GRIP1: variants seen among roughly 807,000 people sequenced by gnomAD.
GRIP1 encodes glutamate receptor interacting protein 1, also known as glutamate receptor-interacting protein 1.
A neutral mutation model predicts 129.9 loss-of-function variants in GRIP1; 45 were observed. That is an observed-to-expected ratio of 0.35 (90% CI 0.27 to 0.44). The LOEUF is 0.44. GRIP1 is among the 20% of genes least tolerant of loss of function. The probability of loss-of-function intolerance (pLI) is 1.00; values close to 1 mark genes in which losing one functional copy is unlikely to be tolerated. For missense variants in GRIP1, 1,196 were observed against 1,396.8 expected (o/e 0.86, Z 2.29); for synonymous variants, 530 against 520.8 (o/e 1.02, Z -0.24).
intron 1 of GRIP1, among the ~76,000 whole-genome samples, chr12:67,061,074 T>C (rs1371631400): frequency 3.3e-5 from 5 of 152,194 alleles, no homozygotes; most frequent in Admixed American, 1.3e-4. Context: ...ATTGTATGCA[T>C]TGTAACTTTG....
At chr12:66,510,105 A>C (rs1040785783) in intron 7 of GRIP1, among the ~76,000 whole-genome samples, 1 of 152,178 alleles carries the variant, frequency 6.6e-6, no homozygotes, top group Non-Finnish European at 1.5e-5. Context: ...TAATTTGTTC[A>C]CAATTTATTG....
At chr12:66,425,785 A>G (rs1191590858) in intron 14 of GRIP1, among the ~76,000 whole-genome samples, 2 of 151,482 alleles carry the variant, frequency 1.3e-5, no homozygotes, top group East Asian at 3.9e-4. Flanking sequence ...GAACACATGG[A>G]CACAGGAAGG....
At chr12:67,030,930 G>T (rs12307060) in intron 1 of GRIP1, among the ~76,000 whole-genome samples, 1 of 151,914 alleles carries the variant, frequency 6.6e-6, no homozygotes, top group Non-Finnish European at 1.5e-5. Flanking sequence ...GCAACTGCTC[G>T]GTTAGCTGTT....
chr12:66,538,265 T>C (rs1565840502), intron 4 of GRIP1, among the ~76,000 whole-genome samples: 1 of 150,664 alleles, frequency 6.6e-6, no homozygotes, highest in Non-Finnish European at 1.5e-5. Context: ...AATGACACAA[T>C]CATAGCTCAC....
At chr12:66,874,296 A>G (rs1432067475) in intron 1 of GRIP1, among the ~76,000 whole-genome samples, 2 of 152,104 alleles carry the variant, frequency 1.3e-5, no homozygotes, top group Non-Finnish European at 2.9e-5. Context: ...TTGTTGCACA[A>G]CAAGTGTCTG....
chr12:66,539,500 G>T (rs1332786773), intron 3 of GRIP1, among the ~76,000 whole-genome samples: 3 of 128,574 alleles, frequency 2.3e-5, no homozygotes, highest in Non-Finnish European at 4.9e-5. Flanking sequence ...TTTCCTTTTT[G>T]CCTGTTTTAT....
chr12:66,892,746 G>A (rs748202086), intron 1 of GRIP1, among the ~76,000 whole-genome samples: 7 of 151,356 alleles, frequency 4.6e-5, no homozygotes, highest in South Asian at 2.1e-4. Context: ...AGGACTGCTT[G>A]AGCCTACAAC....
intron 1 of GRIP1, among the ~76,000 whole-genome samples, chr12:66,809,893 CA>C (rs1253054625): frequency 1.3e-5 from 2 of 152,068 alleles, no homozygotes; most frequent in Non-Finnish European, 2.9e-5. Context: ...GGAGCTCCAG[CA>C]ATCTGCCCAC....
chr12:66,772,053 T>C (rs1176480601), intron 1 of GRIP1, among the ~76,000 whole-genome samples: 1 of 151,210 alleles, frequency 6.6e-6, no homozygotes, highest in East Asian at 2.0e-4. Context: ...TGTGCAGATA[T>C]TTTACATGGT....
At chr12:66,797,443 C>G (rs1002494272) in intron 1 of GRIP1, among the ~76,000 whole-genome samples, 1 of 152,124 alleles carries the variant, frequency 6.6e-6, no homozygotes, top group Admixed American at 6.6e-5. Flanking sequence ...GCACTCTCCA[C>G]TGGGATTTAG....
chr12:66,875,992 T>C (rs1350434735), intron 1 of GRIP1, among the ~76,000 whole-genome samples: 1 of 152,056 alleles, frequency 6.6e-6, no homozygotes, highest in Admixed American at 6.6e-5. Flanking sequence ...TAAAAAGGAT[T>C]TTATTAGTAT....
At chr12:66,913,434 C>CA (rs945134900) in intron 1 of GRIP1, among the ~76,000 whole-genome samples, 16 of 151,608 alleles carry the variant, frequency 1.1e-4, no homozygotes, top group South Asian at 2.1e-4. Context: ...AAAACAACAA[C>CA]AAAAAAAACC....
chr12:66,486,131 T>A (rs187189421), intron 7 of GRIP1, among the ~76,000 whole-genome samples: 1 of 152,204 alleles, frequency 6.6e-6, no homozygotes, highest in Admixed American at 6.5e-5. Flanking sequence ...TGTATTTAAT[T>A]CAGCAAAAAG....
At chr12:66,683,185 G>A (rs1484734108), upstream of GRIP1, among the ~76,000 whole-genome samples, 3 of 151,810 alleles carry the variant, frequency 2.0e-5, no homozygotes, top group Non-Finnish European at 4.4e-5. Context: ...TACAGACAAC[G>A]TCACTGACTC....
Position 66,865,617 on chromosome 12 carries a change from A to C in GRIP1, c.58+203433T>G, listed in dbSNP as rs545345358. On this transcript the variant is annotated intron_variant, in intron 1 of 1. Transcript: ENST00000643019. The stretch of plus-strand genomic sequence containing the variant: ...CATGCATCCATCCATCCAACCATCC[A>C]TCCATCCAACCATCCATCCACCCAC... Among the ~76,000 whole-genome samples the C allele has an allele frequency of 2.6e-5, 4 of 151,720 alleles. No individual in the cohort carries two copies. The South Asian group carries it at 8.3e-4, about 31-fold the overall frequency.
At chr12:66,389,013 C>A (rs2056473484) in intron 19 of GRIP1, among the ~76,000 whole-genome samples, 1 of 152,122 alleles carries the variant, frequency 6.6e-6, no homozygotes, top group Non-Finnish European at 1.5e-5. Flanking sequence ...ACATCGATTT[C>A]CAGCCCCAGG....
In GRIP1 at chr12:66,726,758, A is replaced by G. The variant is rs146775245; in HGVS notation, c.-420+77295T>C. Among the ~76,000 whole-genome samples the G allele has an allele frequency of 6.2e-4, 94 of 152,312 alleles. 1 individual carries two copies. In the East Asian group the frequency reaches 0.014, roughly 23 times the overall value. On this transcript the variant is annotated intron_variant, in intron 1 of 4. Transcript: ENST00000538373. The stretch of plus-strand genomic sequence containing the variant: ...GTATTTTTAGCACAGTTCTCAAAGC[A>G]TCGCTGAGCTGGAAGAATTTGAGGC...
At chr12:66,860,364 T>C (rs972506383) in intron 1 of GRIP1, among the ~76,000 whole-genome samples, 3 of 152,110 alleles carry the variant, frequency 2.0e-5, no homozygotes, top group African/African-American at 7.2e-5. Context: ...GCATAATATG[T>C]ACCAAACACG....
At chr12:66,456,003 T>A (rs1765566751) in intron 10 of GRIP1, among the ~76,000 whole-genome samples, 184 bp downstream of exon 10, 1 of 152,146 alleles carries the variant, frequency 6.6e-6, no homozygotes, top group South Asian at 2.1e-4. Context: ...AACATTTACA[T>A]CCTTTCCTAA....
Sources: gnomAD v4.1 joint callset for allele counts (sites outside exome capture counted in the v4.1 genomes callset) on GRCh38, gnomAD v4.1.1 for gene constraint, MANE v1.5 for transcripts, NCBI Gene and HGNC (gene_info 2026-07-23, HGNC 2026-07-21) for gene names.